Variants in GALNT17 observed in about 807,000 individuals in gnomAD.
GALNT17 encodes the protein polypeptide N-acetylgalactosaminyltransferase 17.
A neutral mutation model predicts 63.7 loss-of-function variants in GALNT17; 29 were observed. The ratio of observed to expected loss-of-function variants is 0.46; its 90% CI spans 0.34 to 0.62. The LOEUF is 0.62. Ranked by LOEUF, GALNT17 falls within the 20% of genes least tolerant of loss-of-function variation. The pLI is 0.01. For missense variants in GALNT17, 603 were observed against 799.6 expected, an observed-to-expected ratio of 0.75 and a Z score of 2.97; for synonymous variants, 305 against 318.3, an observed-to-expected ratio of 0.96 and a Z score of 0.45.
intron 3 of GALNT17, among the ~76,000 whole-genome samples, chr7:71,406,803 G>A (rs184474592): frequency 1.7e-4 from 25 of 149,032 alleles, no homozygotes; most frequent in African/African-American, 4.9e-4. Context: ...TGCAATCACC[G>A]CTCACTGCAA....
intron 6 of GALNT17, among the ~76,000 whole-genome samples, chr7:71,589,486 G>A (rs141294731): frequency 5.2e-4 from 79 of 152,058 alleles, no homozygotes; most frequent in African/African-American, 1.8e-3. Context: ...GCAGGAGGAT[G>A]GCCTGAGCCC....
At chr7:71,571,877 A>C (rs1030468281) in intron 6 of GALNT17, among the ~76,000 whole-genome samples, 1 of 151,888 alleles carries the variant, frequency 6.6e-6, no homozygotes, top group South Asian at 2.1e-4. Context: ...GCCAAGCGTG[A>C]TGGTGCATGT....
chr7:71,193,778 TG>T (rs1481646735), intron 1 of GALNT17, among the ~76,000 whole-genome samples: 2 of 152,182 alleles, frequency 1.3e-5, no homozygotes, highest in Non-Finnish European at 2.9e-5. Flanking sequence ...ATTTCCTTTT[TG>T]CTTCTTTTAT....
intron 5 of GALNT17, among the ~76,000 whole-genome samples, chr7:71,482,862 G>GATCCTGC (rs898879088): frequency 6.6e-6 from 1 of 152,148 alleles, no homozygotes; most frequent in African/African-American, 2.4e-5. Context: ...ATGCACCCTA[G>GATCCTGC]ATCCTGCACA....
chr7:71,198,713 G>A (rs1209024717), intron 1 of GALNT17, among the ~76,000 whole-genome samples: 5 of 152,186 alleles, frequency 3.3e-5, no homozygotes, highest in Non-Finnish European at 5.9e-5. Flanking sequence ...CAGGTGGTGT[G>A]GCCGAACATT....
At chr7:71,390,321 T>C (rs1241528089) in intron 3 of GALNT17, among the ~76,000 whole-genome samples, 1 of 152,100 alleles carries the variant, frequency 6.6e-6, no homozygotes, top group East Asian at 1.9e-4. Context: ...GCCTGGGAGC[T>C]GATATCCCTG....
At chr7:71,211,337 G>C (rs28566786) in intron 1 of GALNT17, among the ~76,000 whole-genome samples, 56,328 of 152,078 alleles carry the variant, frequency 0.37, 10,754 homozygotes, top group South Asian at 0.53. Flanking sequence ...TTTTTCTCTT[G>C]CTGCTGCCAT....
intron 4 of GALNT17, among the ~76,000 whole-genome samples, chr7:71,416,264 T>G (rs1029584696): frequency 1.3e-5 from 2 of 152,166 alleles, no homozygotes; most frequent in South Asian, 4.2e-4. Flanking sequence ...GTCTGTTCAG[T>G]TCACCATCAT....
chr7:71,329,631 A>G (rs78149439), intron 1 of GALNT17, among the ~76,000 whole-genome samples: 4,729 of 152,132 alleles, frequency 0.031, 205 homozygotes, highest in African/African-American at 0.088. Context: ...AGCAGGCACA[A>G]TCTTCACATG....
At chr7:71,356,988 G>C (rs1009681520) in intron 2 of GALNT17, among the ~76,000 whole-genome samples, 1 of 151,836 alleles carries the variant, frequency 6.6e-6, no homozygotes, top group African/African-American at 2.4e-5. Flanking sequence ...CACCACGTTG[G>C]TCAGGCTGGT....
intron 6 of GALNT17, among the ~76,000 whole-genome samples, chr7:71,641,966 G>T (rs910880064): frequency 7.9e-5 from 12 of 152,164 alleles, no homozygotes; most frequent in African/African-American, 2.9e-4. Context: ...GGCTTCCAAA[G>T]CTTGGTAGAG....
intron 2 of GALNT17, among the ~76,000 whole-genome samples, chr7:71,339,248 G>A (rs970148505): frequency 2.6e-5 from 4 of 152,224 alleles, no homozygotes; most frequent in Admixed American, 6.5e-5. Flanking sequence ...CTTACTTCTT[G>A]TCTAGGGAGG....
At chr7:71,399,655 T>G (rs1039800411) in intron 3 of GALNT17, among the ~76,000 whole-genome samples, 2 of 152,236 alleles carry the variant, frequency 1.3e-5, no homozygotes, top group Non-Finnish European at 2.9e-5. Context: ...TTCATCATCT[T>G]ATTCTGAAAG....
intron 2 of GALNT17, among the ~76,000 whole-genome samples, chr7:71,369,327 A>C (rs1792573727): frequency 6.6e-6 from 1 of 152,210 alleles, no homozygotes; most frequent in African/African-American, 2.4e-5. Context: ...AGTCAGGAAC[A>C]AAGGCTATGG....
intron 1 of GALNT17, among the ~76,000 whole-genome samples, chr7:71,321,803 A>T (rs1292530855): frequency 6.7e-6 from 1 of 149,924 alleles, no homozygotes; most frequent in East Asian, 2.0e-4. Context: ...AAATGCTCAG[A>T]TTACAGGCAC....
intron 1 of GALNT17, among the ~76,000 whole-genome samples, chr7:71,248,303 C>A (rs892734638): frequency 6.6e-6 from 1 of 152,080 alleles, no homozygotes; most frequent in East Asian, 1.9e-4. Context: ...TCCACTAGGT[C>A]CCCCCCTCAA....
chr7:71,459,821 C>G (rs1471285365), intron 5 of GALNT17, among the ~76,000 whole-genome samples: 2 of 152,184 alleles, frequency 1.3e-5, no homozygotes, highest in Admixed American at 6.5e-5. Flanking sequence ...AAACATTCGT[C>G]ATCTACTGTC....
Position 71,677,277 on chromosome 7 carries a change from T to C in GALNT17, c.1471T>C (p.Leu491=), listed in dbSNP as rs557349951. The C allele has an allele frequency of 1.6e-4, 265 of 1,613,920 alleles. 2 individuals carry two copies. The South Asian group carries it at 2.8e-3, about 17-fold the overall frequency. The change falls in exon 9 of 11, where the codon TTG becomes CTG. Residue 491 remains leucine (L), a synonymous_variant. Transcript: ENST00000333538. The stretch of plus-strand genomic sequence containing the variant: ...GCCGCTGGAGAACCACACAGCAATA[T>C]TGTATCCGTGCCATGGCTGGGGACC... ...QGPLENHTAI[L]YPCHGWGPQL...
rs576022970 is a variant in GALNT17, at chr7:71,484,055, G to A, written c.962+62950G>A. 1.1e-3 allele frequency among the ~76,000 whole-genome samples: 173 copies of A among 152,174 alleles called. 1 individual carries two copies. The highest frequency in any genetic ancestry group is 3.4e-3 in the Middle Eastern group (1 of 294). On this transcript the variant is annotated intron_variant, in intron 5 of 10. Coordinates refer to ENST00000333538, the MANE Select transcript of GALNT17 (RefSeq NM_022479.3). ...CCTATGATAACAATGTATTTTTCTT[G>A]AATCCCTCCTGAAGGACTTGCCTGA...
Sources: allele counts gnomAD v4.1 joint callset (sites outside exome capture counted in the v4.1 genomes callset), GRCh38; gene constraint gnomAD v4.1.1; transcripts MANE v1.5; gene names NCBI Gene and HGNC (gene_info 2026-07-23, HGNC 2026-07-21).